DNAH2: variants seen among roughly 807,000 people sequenced by gnomAD.
The protein encoded by DNAH2 is axonemal beta dynein heavy chain 2.
In DNAH2, 323 loss-of-function variants were observed where a neutral mutation model predicts 523.5. The ratio of observed to expected loss-of-function variants is 0.62; its 90% confidence interval spans 0.56 to 0.68. DNAH2 has a LOEUF of 0.68. Among genes scored for constraint, DNAH2 ranks in the 30% least tolerant of loss-of-function variants. DNAH2 has a pLI of 0.00. For missense variants in DNAH2, 4,907 were observed against 5,701.5 expected, an observed-to-expected ratio of 0.86 and a Z score of 4.49; for synonymous variants, 2,093 against 2,177.4, an observed-to-expected ratio of 0.96 and a Z score of 1.08.
chr17:7,778,476 A>T lies in DNAH2; in HGVS notation c.5541+7A>T. ...GTACTCAGGTCTGGCCCAGGTCAGT[A>T]TCCTGCCACCCTGTGCCAGAAGCCC... On this transcript the variant is annotated splice_region_variant and intron_variant, in intron 35 of 85. Coordinates refer to ENST00000572933, the MANE Select transcript of DNAH2 (RefSeq NM_020877.5). 1 of 1,605,136 alleles carries T rather than the reference A, an allele frequency of 6.2e-7. No individual in the cohort carries two copies. Among genetic ancestry groups the T allele is most frequent in the African/African-American group, 1.3e-5 (1 of 74,782 alleles).
chr17:7,768,378 TG>T, intron 24 of DNAH2, 111 bp downstream of exon 24: 1 of 985,034 alleles, frequency 1.0e-6, no homozygotes, highest in Non-Finnish European at 1.5e-6. Flanking sequence ...TCTTCCCCTC[TG>T]TCCACAAATG....
chr17:7,788,095 G>A lies in DNAH2; in HGVS notation c.6751G>A (p.Glu2251Lys). 6.2e-7 allele frequency: 1 copy of A among 1,614,232 alleles called. No homozygotes were observed. The highest frequency in any genetic ancestry group is 8.5e-7 in the Non-Finnish European group (1 of 1,180,034). Reference protein sequence around the residue: ...WLEKRPKAEVEPLQRMFEKLI... With the variant: ...WLEKRPKAEVKPLQRMFEKLI... ...TCTTATTCAACTCCAGGCTGAGGTGGAGCCCCTTCAACGCATGTTCGAAAA... is the reference window on the plus strand; with the variant it reads ...TCTTATTCAACTCCAGGCTGAGGTGAAGCCCCTTCAACGCATGTTCGAAAA... Residue 2251 changes from glutamate to lysine, a missense_variant, in exon 44 of 86, where the codon GAG becomes AAG. Glu to Lys is a moderately conservative substitution (Grantham distance 56). Coordinates refer to ENST00000572933, the MANE Select transcript of DNAH2 (RefSeq NM_020877.5).
chr17:7,722,586 G>A (rs1164670663), intron 2 of DNAH2, among the ~76,000 whole-genome samples: 2 of 152,120 alleles, frequency 1.3e-5, no homozygotes, highest in East Asian at 1.9e-4. Context: ...CCCAGGAACC[G>A]CTCATCTATT....
chr17:7,831,589 GC>G lies in DNAH2; in HGVS notation c.12611+50del. The G allele has an allele frequency of 6.2e-7, 1 of 1,613,628 alleles. No individual in the cohort carries two copies. The highest frequency in any genetic ancestry group is 8.5e-7 in the Non-Finnish European group (1 of 1,179,626). On this transcript the variant is annotated intron_variant, in intron 81 of 85. Transcript: ENST00000572933. The surrounding 1 kb of genome is among the most constrained non-coding windows in gnomAD (Gnocchi z 4.2). ...GGAACAGGGGAGGGTGTGAGGAGAA[GC>G]CTTTGCCTTCTGGCTAGAATGACGT...
Position 7,754,911 on chromosome 17 carries a change from C to T in DNAH2, c.1905-2180C>T, listed in dbSNP as rs1309797185. On this transcript the variant is annotated intron_variant, in intron 12 of 85. Transcript: ENST00000572933. This position sits in a 1 kb window ranked among gnomAD's most constrained non-coding sequence, Gnocchi z 4.6. ...ACAGGTGCCACCCACCCCGGGCTGC[C>T]GTCTGCATGGGGCTGGGGTCCTCCT... The T allele has an allele frequency of 1.6e-5, 9 of 551,188 alleles. No homozygotes were observed. Among genetic ancestry groups the T allele is most frequent in the Non-Finnish European group, 2.6e-5 (8 of 309,496 alleles). The allele number at this position is 551,188 out of a possible 1,614,324, so 34.1% of individuals were successfully genotyped here.
chr17:7,756,466 G>A (rs1399228776), intron 12 of DNAH2, among the ~76,000 whole-genome samples: 1 of 151,558 alleles, frequency 6.6e-6, no homozygotes, highest in Non-Finnish European at 1.5e-5. Context: ...GTAGAGATGG[G>A]GGTCTCACTA....
intron 56 of DNAH2, 37 bp from the exon 57 acceptor site, chr17:7,801,541 T>G: frequency 6.2e-7 from 1 of 1,612,964 alleles, no homozygotes; most frequent in Middle Eastern, 1.7e-4. Flanking sequence ...GCTGTGTCTG[T>G]GCACGGAATT....
At chr17:7,815,248 T>C (rs9907806) in intron 63 of DNAH2, among the ~76,000 whole-genome samples, 21,328 of 152,288 alleles carry the variant, frequency 0.14, 2,735 homozygotes, top group African/African-American at 0.33. Context: ...GCAGCCACCT[T>C]GGCGAGGCTC....
chr17:7,737,243 C>A lies in DNAH2; in HGVS notation c.1155C>A (p.Thr385=), dbSNP rs755758201. ...ACTACAACACTCGGGAGAGACTGAC[C>A]TCGCTCTTCCGAAAGGTGTGCATAT... ...SPHYNTRERL[T]SLFRKVCDCQ... Residue 385 remains threonine, a synonymous_variant, in exon 8 of 86, where the codon ACC becomes ACA. Coordinates refer to ENST00000572933, the MANE Select transcript of DNAH2 (RefSeq NM_020877.5). The A allele has an allele frequency of 1.2e-6, 2 of 1,613,746 alleles. No individual in the cohort carries two copies. The highest frequency in any genetic ancestry group is 3.3e-5 in the Admixed American group (2 of 59,982).
chr17:7,740,578 T>C (rs1377589237), intron 10 of DNAH2, 29 bp downstream of exon 10: 1 of 1,609,502 alleles, frequency 6.2e-7, no homozygotes, highest in Admixed American at 1.7e-5. Context: ...TTCCTCGGCT[T>C]CCCGTCCCGC....
At position 7,799,185 on chromosome 17, in the gene DNAH2, G is replaced by A. The variant is rs144848007; in HGVS notation, c.8642G>A (p.Arg2881His). The part of the protein sequence containing the change: ...SDSLFAYLIE[R>H]VQNNLHIVLC... ...AGCCTCTTCGCCTACCTCATTGAAC[G>A]CGTGCAGAACAACCTGCACATCGTG... Residue 2881 changes from arginine (R) to histidine (H), a missense_variant, in exon 56 of 86, where the codon CGC becomes CAC. By Grantham distance (29) the Arg-to-His change is conservative. Coordinates refer to ENST00000572933, the MANE Select transcript of DNAH2 (RefSeq NM_020877.5). 18 of 1,614,050 alleles carry A rather than the reference G, an allele frequency of 1.1e-5. No homozygotes were observed. The highest frequency in any genetic ancestry group is 5.3e-5 in the African/African-American group (4 of 74,922).
intron 29 of DNAH2, 69 bp from the exon 30 acceptor site, chr17:7,775,172 G>T: frequency 6.6e-7 from 1 of 1,505,966 alleles, no homozygotes; most frequent in Non-Finnish European, 9.1e-7. Context: ...TCCTCAAAAG[G>T]CCCCAGGACT....
In DNAH2 at chr17:7,831,885, A is replaced by C. The variant is rs956242021; in HGVS notation, c.12726+110A>C. 1 of 955,702 alleles carries C rather than the reference A, an allele frequency of 1.0e-6. No homozygotes were observed. Among genetic ancestry groups the C allele is most frequent in the Non-Finnish European group, 1.5e-6 (1 of 650,296 alleles). 59.2% of individuals were successfully genotyped at this position (955,702 alleles called of 1,614,324 possible). On this transcript the variant is annotated intron_variant, in intron 82 of 85. Coordinates refer to ENST00000572933, the MANE Select transcript of DNAH2 (RefSeq NM_020877.5). The surrounding 1 kb of genome is among the most constrained non-coding windows in gnomAD (Gnocchi z 4.2). The stretch of plus-strand genomic sequence containing the variant: ...GCATAAAGCAAACTGCAGAGAGCCG[A>C]AACTTTGAAGTTAGATAGGTTCAAG...
At chr17:7,767,118 A>G (rs2151213429) in intron 22 of DNAH2, among the ~76,000 whole-genome samples, 1 of 114,164 alleles carries the variant, frequency 8.8e-6, no homozygotes, top group East Asian at 3.1e-4. Context: ...GTCTGTTATG[A>G]GCCTGTTTTC....
chr17:7,723,438 A>G (rs1048052389), intron 2 of DNAH2, among the ~76,000 whole-genome samples, 190 bp from the exon 3 acceptor site: 4 of 148,944 alleles, frequency 2.7e-5, no homozygotes, highest in Middle Eastern at 3.6e-3. Flanking sequence ...ACACCTGGCT[A>G]ATTTTGTATT....
At chr17:7,734,836 C>G in intron 7 of DNAH2, 128 bp downstream of exon 7, 1 of 889,896 alleles carries the variant, frequency 1.1e-6, no homozygotes. Context: ...ACCCAGGGTT[C>G]GGCCTTGTAC....
rs1161619790 is a variant in DNAH2 at position 7,734,587 on chromosome 17, T to C, written c.857T>C (p.Met286Thr). The part of the protein sequence containing the change: ...EEIEFWRNRC[M>T]DLSGISKQLV... Reference sequence around the variant, plus strand: ...ATTGAGTTCTGGCGCAACCGATGCATGGACCTGTCTGGCATCAGTAAGCAG... The same window carrying C: ...ATTGAGTTCTGGCGCAACCGATGCACGGACCTGTCTGGCATCAGTAAGCAG... Residue 286 changes from methionine to threonine, a missense_variant, in exon 7 of 86, where the codon ATG (methionine) becomes ACG (threonine). By Grantham distance (81) the Met-to-Thr change is moderately conservative. This residue lies in a region of DNAH2 where 2,806 missense variants were observed against 3,190.8 expected (regional missense o/e 0.88). Coordinates refer to ENST00000572933, the MANE Select transcript of DNAH2 (RefSeq NM_020877.5). The C allele has an allele frequency of 6.2e-7, 1 of 1,613,674 alleles. No individual in the cohort carries two copies. Among genetic ancestry groups the C allele is most frequent in the South Asian group, 1.1e-5 (1 of 90,986 alleles).
At position 7,757,218 on chromosome 17, in the gene DNAH2, G is replaced by T. The variant is rs753205736; in HGVS notation, c.2032G>T (p.Val678Phe). ...LRILRENLLL[V>F]ARDYNRIIAM... ...CATTCTGCGTGAAAATCTGCTACTC[G>T]TTGCTAGAGACTACAATAGGTAGGG... The change falls in exon 13 of 86, where the codon GTT (valine) becomes TTT (phenylalanine). Residue 678 changes from valine (V) to phenylalanine (F), a missense_variant. Physicochemically the swap from Val to Phe is conservative, Grantham distance 50 (BLOSUM62 -1). Coordinates refer to ENST00000572933, the MANE Select transcript of DNAH2 (RefSeq NM_020877.5). 1 of 1,613,982 alleles carries T rather than the reference G, an allele frequency of 6.2e-7. No individual in the cohort carries two copies. The highest frequency in any genetic ancestry group is 1.3e-5 in the African/African-American group (1 of 74,898).
intron 4 of DNAH2, among the ~76,000 whole-genome samples, chr17:7,728,376 G>T (rs62062609): frequency 0.11 from 16,617 of 152,230 alleles, 1,031 homozygotes; most frequent in Non-Finnish European, 0.12. Context: ...ATATACAAAA[G>T]TGGAAAGGAT....
Sources: gnomAD v4.1 joint callset for allele counts (sites outside exome capture counted in the v4.1 genomes callset) on GRCh38, gnomAD v4.1.1 for gene constraint, gnomAD v4.1.1 regional missense constraint, Gnocchi (gnomAD v3.1) non-coding constraint, MANE v1.5 for transcripts, NCBI Gene and HGNC (gene_info 2026-07-23, HGNC 2026-07-21) for gene names.